SYT16: variants seen among roughly 807,000 people sequenced by gnomAD.
The protein encoded by SYT16 is synaptotagmin 16.
SYT16 carries 42 observed loss-of-function variants against 61.4 expected under a neutral mutation model. That is an observed-to-expected ratio of 0.68 (90% CI 0.53 to 0.89). The LOEUF (loss-of-function observed/expected upper bound fraction) is 0.89, where lower values mean the gene tolerates loss of function less well. Among genes scored for constraint, SYT16 ranks in the 40% least tolerant of loss-of-function variants. SYT16 has a pLI of 0.00. For synonymous variants in SYT16, 314 were observed against 302.3 expected (o/e 1.04, Z -0.40); for missense variants, 804 against 807.3 (o/e 1.00, Z 0.05).
At chr14:61,867,812 T>C (rs1594789806) in intron 1 of SYT16, among the ~76,000 whole-genome samples, 1 of 152,058 alleles carries the variant, frequency 6.6e-6, no homozygotes, top group East Asian at 1.9e-4. Flanking sequence ...TCAAAGATGC[T>C]CTTTATGAAG....
intron 3 of SYT16, among the ~76,000 whole-genome samples, chr14:62,045,142 A>G: frequency 6.6e-6 from 1 of 151,774 alleles, no homozygotes; most frequent in East Asian, 1.9e-4. Context: ...TGTCTAAAAT[A>G]AATAAATAAA....
intron 1 of SYT16, among the ~76,000 whole-genome samples, chr14:61,875,193 T>C (rs967367785): frequency 6.6e-6 from 1 of 152,222 alleles, no homozygotes; most frequent in Non-Finnish European, 1.5e-5. Flanking sequence ...CATCACCTGA[T>C]ATCAGTGTTA....
At chr14:61,943,483 A>G (rs908858891) in intron 1 of SYT16, among the ~76,000 whole-genome samples, 2 of 152,254 alleles carry the variant, frequency 1.3e-5, no homozygotes, top group Admixed American at 1.3e-4. Context: ...AAAATCCTCA[A>G]TAAAATATTT....
Position 62,094,848 on chromosome 14 carries a change from A to AT in SYT16, c.1625-5539dup, listed in dbSNP as rs1283972074. On this transcript the variant is annotated intron_variant, in intron 7 of 7. Coordinates refer to ENST00000683842, the MANE Select transcript of SYT16 (RefSeq NM_001367656.1). Reference sequence around the variant, plus strand: ...GAACTGTTTGCACACAGGACAGGCGATTTTTTTATAGGGATCTTTGATCAA... The same window carrying AT: ...GAACTGTTTGCACACAGGACAGGCGATTTTTTTTATAGGGATCTTTGATCAA... Among the ~76,000 whole-genome samples the AT allele has an allele frequency of 2.0e-5, 3 of 152,040 alleles. No homozygotes were observed. In the East Asian group the frequency reaches 5.8e-4, roughly 29 times the overall value.
rs1163026619 is a variant in SYT16, at chr14:62,047,390, T to C, written c.524-22213T>C. ...AGATTTTGGGCTGAGACAATGGGGTTTTCTAGATATACAATCATGTCATCT... is the reference window on the plus strand; with the variant it reads ...AGATTTTGGGCTGAGACAATGGGGTCTTCTAGATATACAATCATGTCATCT... On this transcript the variant is annotated intron_variant, in intron 3 of 7. Coordinates refer to ENST00000683842, the MANE Select transcript of SYT16 (RefSeq NM_001367656.1). 5.9e-5 allele frequency among the ~76,000 whole-genome samples: 9 copies of C among 152,268 alleles called. No individual in the cohort carries two copies. The East Asian group carries it at 1.7e-3, about 29-fold the overall frequency.
chr14:61,833,113 C>T (rs150436892), intron 1 of SYT16, among the ~76,000 whole-genome samples: 127 of 152,168 alleles, frequency 8.3e-4, no homozygotes, highest in African/African-American at 3.0e-3. Flanking sequence ...TCTGTAAGGA[C>T]GGAGATTTTC....
intron 3 of SYT16, among the ~76,000 whole-genome samples, chr14:62,055,141 G>A (rs1270030765): frequency 1.3e-5 from 2 of 152,220 alleles, no homozygotes; most frequent in Non-Finnish European, 2.9e-5. Context: ...TTCTCTGCAT[G>A]TGCAGAAATT....
chr14:62,005,684 C>A (rs562554505), intron 3 of SYT16, among the ~76,000 whole-genome samples: 1 of 152,098 alleles, frequency 6.6e-6, no homozygotes, highest in African/African-American at 2.4e-5. Context: ...TGAGGAGGAA[C>A]ATTTCTCTAT....
intron 3 of SYT16, among the ~76,000 whole-genome samples, chr14:62,047,361 A>G (rs2055039807): frequency 6.6e-6 from 1 of 152,136 alleles, no homozygotes; most frequent in African/African-American, 2.4e-5. Context: ...TTATCAGCTT[A>G]AGGAGATTTT....
intron 3 of SYT16, among the ~76,000 whole-genome samples, chr14:62,055,386 A>G (rs2055505160): frequency 6.6e-6 from 1 of 152,230 alleles, no homozygotes; most frequent in African/African-American, 2.4e-5. Flanking sequence ...AGCTTAGAGT[A>G]ATCATCAAAG....
At chr14:62,011,234 G>A (rs1429368835) in intron 3 of SYT16, among the ~76,000 whole-genome samples, 2 of 152,102 alleles carry the variant, frequency 1.3e-5, no homozygotes, top group African/African-American at 4.8e-5. Context: ...AAGTGCAAAT[G>A]TTATCTTTGG....
chr14:61,868,675 A>G (rs2047235805), intron 1 of SYT16, among the ~76,000 whole-genome samples: 1 of 152,020 alleles, frequency 6.6e-6, no homozygotes, highest in African/African-American at 2.4e-5. Flanking sequence ...TTTGTATGAG[A>G]TGATTCCTTT....
intron 3 of SYT16, among the ~76,000 whole-genome samples, chr14:62,036,398 G>C (rs1422673317): frequency 6.6e-6 from 1 of 152,102 alleles, no homozygotes; most frequent in Non-Finnish European, 1.5e-5. Context: ...CATGTGTCAA[G>C]AGTTCAGGAG....
intron 1 of SYT16, among the ~76,000 whole-genome samples, chr14:61,855,082 C>T: frequency 6.6e-6 from 1 of 152,094 alleles, no homozygotes; most frequent in East Asian, 1.9e-4. Flanking sequence ...TGATTGTTAG[C>T]TTGGTGTCCA....
At position 62,102,974 on chromosome 14, in the gene SYT16, A is replaced by C. The variant is rs572531513; in HGVS notation, c.*2267A>C. 2 of 152,190 alleles carry C rather than the reference A, an allele frequency of 1.3e-5. No individual in the cohort carries two copies. The highest frequency in any genetic ancestry group is 2.9e-5 in the Non-Finnish European group (2 of 68,032). The allele number at this position is 152,190 out of a possible 1,614,324, so 9.4% of individuals were successfully genotyped here. A position where few individuals can be genotyped will look rare whatever the true frequency, so the allele number is the denominator to read the frequency against. On this transcript the variant is annotated 3_prime_UTR_variant, in exon 8 of 8. Coordinates refer to ENST00000683842, the MANE Select transcript of SYT16 (RefSeq NM_001367656.1). ...CCATTTTAAGGGAAGGAATGCCTGAAAACATTTTTTATTTTTATAATTTTA... is the reference window on the plus strand; with the variant it reads ...CCATTTTAAGGGAAGGAATGCCTGACAACATTTTTTATTTTTATAATTTTA...
At position 62,081,159 on chromosome 14, in the gene SYT16, C is replaced by T. The variant is rs764364165; in HGVS notation, c.1319C>T (p.Ala440Val). 3.4e-5 allele frequency: 55 copies of T among 1,613,814 alleles called. No individual in the cohort carries two copies. Among genetic ancestry groups the T allele is most frequent in the Non-Finnish European group, 4.5e-5 (53 of 1,179,882 alleles). ...GCTGTCCGCTTCCGCCTGTACGCTG[C>T]CCGGAAGATGACCCGAGAGAGAATG... ...ACAVRFRLYA[A>V]RKMTRERMMG... is the part of the protein sequence containing the mutation. The change falls in exon 6 of 8, where the codon GCC becomes GTC. Residue 440 changes from alanine to valine, a missense_variant. Coordinates refer to ENST00000683842, the MANE Select transcript of SYT16 (RefSeq NM_001367656.1).
At chr14:62,051,239 C>CGA (rs1224064982) in intron 3 of SYT16, among the ~76,000 whole-genome samples, 2 of 152,184 alleles carry the variant, frequency 1.3e-5, no homozygotes, top group Non-Finnish European at 2.9e-5. Flanking sequence ...TAGCAATGAG[C>CGA]GAGGCTGTGT....
intron 1 of SYT16, among the ~76,000 whole-genome samples, chr14:61,909,170 A>T (rs1391850748): frequency 6.6e-6 from 1 of 152,156 alleles, no homozygotes; most frequent in Admixed American, 6.5e-5. Flanking sequence ...TTTCAGAGTG[A>T]TAGAGGGGAT....
chr14:61,923,647 C>T (rs2049424504), intron 1 of SYT16, among the ~76,000 whole-genome samples: 2 of 152,028 alleles, frequency 1.3e-5, no homozygotes, highest in African/African-American at 2.4e-5. Context: ...TTATTTATAG[C>T]CTCTAAACAT....
Sources: allele counts gnomAD v4.1 joint callset (sites outside exome capture counted in the v4.1 genomes callset), GRCh38; gene constraint gnomAD v4.1.1; transcripts MANE v1.5; gene names NCBI Gene and HGNC (gene_info 2026-07-23, HGNC 2026-07-21).